LRP4: variants seen among roughly 807,000 people sequenced by gnomAD.
LRP4 encodes LDL receptor related protein 4.
In LRP4, 95 loss-of-function variants were observed where a neutral mutation model predicts 220.3. The ratio of observed to expected loss-of-function variants is 0.43; its 90% CI spans 0.37 to 0.51. The LOEUF (loss-of-function observed/expected upper bound fraction) is 0.51, where lower values mean the gene tolerates loss of function less well. Among genes scored for constraint, LRP4 ranks in the 20% least tolerant of loss-of-function variants. LRP4 has a pLI of 0.00. For missense variants in LRP4, 1,925 were observed against 2,567.0 expected, an observed-to-expected ratio of 0.75 and a Z score of 5.40; for synonymous variants, 903 against 954.6, an observed-to-expected ratio of 0.95 and a Z score of 1.00.
chr11:46,900,132 G>C (rs2134865107), intron 3 of LRP4, 130 bp downstream of exon 3: 1 of 953,510 alleles, frequency 1.0e-6, no homozygotes, highest in South Asian at 1.3e-5. Flanking sequence ...GACTTCGAGA[G>C]GAAGTGAAAG....
chr11:46,883,821 A>G (rs1301415936), intron 19 of LRP4, 50 bp downstream of exon 19: 3 of 1,378,002 alleles, frequency 2.2e-6, no homozygotes, highest in Admixed American at 1.7e-5. Context: ...TCTGGAGCTC[A>G]GATCTTGGGA....
chr11:46,911,596 AAAAATAAAT>A lies in LRP4; in HGVS notation c.52+6723_52+6731del, dbSNP rs968915049. Reference sequence around the variant, plus strand: ...AGAGTGAGAACCTGTCTCAAAAAAAAAAAATAAATAAATAAATAAAAATAAAGTCTCTCT... The same window carrying A: ...AGAGTGAGAACCTGTCTCAAAAAAAAAAATAAATAAAAATAAAGTCTCTCT... On this transcript the variant is annotated intron_variant, in intron 1 of 37. Transcript: ENST00000378623. 8.4e-4 allele frequency among the ~76,000 whole-genome samples: 79 copies of A among 93,862 alleles called. 2 individuals carry two copies. The highest frequency in any genetic ancestry group is 2.8e-3 in the African/African-American group (76 of 26,976). The allele number at this position is 93,862 out of a possible 152,430, so 61.6% of individuals were successfully genotyped here.
Position 46,890,123 on chromosome 11 carries a change from G to T in LRP4, c.1916-3C>A. 6.2e-7 allele frequency: 1 copy of T among 1,613,972 alleles called. No homozygotes were observed. On this transcript the variant is annotated splice_polypyrimidine_tract_variant and splice_region_variant and intron_variant, in intron 14 of 37. Transcript: ENST00000378623. The surrounding 1 kb of genome is among the most constrained non-coding windows in gnomAD (Gnocchi z 5.3). ...GATGGCGAAGGGATGCGGGAGGCCT[G>T]GGGAAAGTCCAGGAAGACCTCAGTC...
intron 22 of LRP4, among the ~76,000 whole-genome samples, chr11:46,877,876 A>G (rs898661790): frequency 6.6e-6 from 1 of 152,216 alleles, no homozygotes; most frequent in African/African-American, 2.4e-5. Flanking sequence ...GGTCTCACAC[A>G]TATTCATAAA....
At chr11:46,906,337 T>C (rs1202342482) in intron 1 of LRP4, among the ~76,000 whole-genome samples, 3 of 151,904 alleles carry the variant, frequency 2.0e-5, no homozygotes, top group Non-Finnish European at 4.4e-5. Flanking sequence ...ACGCCTGTAG[T>C]CCCAGCTACT....
rs527549075 is a variant in LRP4 at position 46,876,976 on chromosome 11, T to C, written c.3278-146A>G. 1.3e-3 allele frequency: 1,079 copies of C among 853,230 alleles called. 14 individuals carry two copies. The highest frequency in any genetic ancestry group is 9.7e-4 in the Non-Finnish European group (495 of 512,778). The allele number at this position is 853,230 out of a possible 1,614,324, so 52.9% of individuals were successfully genotyped here. On this transcript the variant is annotated intron_variant, in intron 23 of 37. Transcript: ENST00000378623. ...AATCAAGGAAAACGCAGAAATATCA[T>C]AGCAGGATAGCTCTTGGCAGAGACG...
chr11:46,873,475 T>C lies in LRP4; in HGVS notation c.4348A>G (p.Asn1450Asp), dbSNP rs1331039955. ...TCCAGCCTGGACGCCTCAATGGTAT[T>C]TCGACCTGTGTCTGTCCAGTACAGG... ...RNLYWTDTGR[N>D]TIEASRLDGS... is the part of the protein sequence containing the mutation. The change falls in exon 29 of 38, where the codon AAT becomes GAT. Residue 1450 changes from asparagine (N) to aspartate (D), a missense_variant. Asn to Asp is a conservative substitution (Grantham distance 23). Coordinates refer to ENST00000378623, the MANE Select transcript of LRP4 (RefSeq NM_002334.4). The surrounding 1 kb of genome is among the most constrained non-coding windows in gnomAD (Gnocchi z 4.2). The C allele has an allele frequency of 3.7e-6, 6 of 1,614,104 alleles. No homozygotes were observed. In the Admixed American group the frequency reaches 8.3e-5, roughly 22 times the overall value.
At chr11:46,888,621 A>G (rs1941353930) in intron 16 of LRP4, among the ~76,000 whole-genome samples, 2 of 146,646 alleles carry the variant, frequency 1.4e-5, no homozygotes, top group South Asian at 4.5e-4. Flanking sequence ...CTTAGTTAAT[A>G]TGTGTATGAA....
intron 36 of LRP4, among the ~76,000 whole-genome samples, chr11:46,863,978 A>G (rs1034490359): frequency 2.6e-5 from 4 of 152,220 alleles, no homozygotes; most frequent in Non-Finnish European, 4.4e-5. Flanking sequence ...AGGGACATAA[A>G]AAGATTATAA....
At chr11:46,878,813 C>T in intron 22 of LRP4, 94 bp downstream of exon 22, 1 of 1,573,100 alleles carries the variant, frequency 6.4e-7, no homozygotes, top group Non-Finnish European at 8.7e-7. Context: ...CTCATGGTTT[C>T]TCAGACCACA....
chr11:46,893,198 G>A, intron 12 of LRP4, 69 bp from the exon 13 acceptor site: 1 of 1,582,066 alleles, frequency 6.3e-7, no homozygotes. Context: ...AGTAATAGGA[G>A]CAAACTCTTA....
intron 13 of LRP4, among the ~76,000 whole-genome samples, chr11:46,892,409 T>A (rs1485828870): frequency 1.3e-5 from 2 of 152,118 alleles, no homozygotes; most frequent in South Asian, 4.1e-4. Context: ...TTAATCTTCA[T>A]ACAACTATGA....
chr11:46,874,311 C>T (rs1258840302), intron 28 of LRP4: 3 of 165,146 alleles, frequency 1.8e-5, no homozygotes, highest in Non-Finnish European at 4.0e-5. Context: ...GTAAACCACT[C>T]TTACTGGTGG....
In LRP4 at chr11:46,896,862, A is replaced by C. The variant is rs775976878; in HGVS notation, c.922+7T>G. ...TAAGGGTTCTGGGGCACCCCGGGAG[A>C]CACCACCTGTATTCTCACAGTTCTC... On this transcript the variant is annotated splice_region_variant and intron_variant, in intron 8 of 37. Transcript: ENST00000378623. 5 of 1,614,056 alleles carry C rather than the reference A, an allele frequency of 3.1e-6. No individual in the cohort carries two copies. The highest frequency in any genetic ancestry group is 4.2e-6 in the Non-Finnish European group (5 of 1,179,954).
At position 46,882,256 on chromosome 11, in the gene LRP4, A is replaced by C. The variant is rs909433472; in HGVS notation, c.2613-353T>G. Among the ~76,000 whole-genome samples the C allele has an allele frequency of 5.3e-5, 8 of 151,902 alleles. 1 individual carries two copies. Among genetic ancestry groups the C allele is most frequent in the Admixed American group, 2.6e-4 (4 of 15,264 alleles). On this transcript the variant is annotated intron_variant, in intron 19 of 37. Coordinates refer to ENST00000378623, the MANE Select transcript of LRP4 (RefSeq NM_002334.4). The stretch of plus-strand genomic sequence containing the variant: ...AATCTCAGCACTTTGGGAGGCTGAG[A>C]GTATCACTTGAGCCCAGAAGTTTGA...
intron 15 of LRP4, 118 bp from the exon 16 acceptor site, chr11:46,889,651 A>AT: frequency 7.2e-7 from 1 of 1,384,998 alleles, no homozygotes; most frequent in South Asian, 1.2e-5. Flanking sequence ...TATGTCTTAT[A>AT]TTTTTGACAT....
chr11:46,902,360 A>C (rs1459103813), intron 2 of LRP4, among the ~76,000 whole-genome samples: 1 of 546 alleles, frequency 1.8e-3, no homozygotes, highest in East Asian at 0.5. Context: ...CTCTGTATCA[A>C]AAAAAAAAAA....
In LRP4 at chr11:46,875,738, G is replaced by C; in HGVS notation, c.3700-57C>G. 1.9e-6 allele frequency: 3 copies of C among 1,612,718 alleles called. No homozygotes were observed. The highest frequency in any genetic ancestry group is 8.5e-7 in the Non-Finnish European group (1 of 1,178,872). On this transcript the variant is annotated intron_variant, in intron 26 of 37. Coordinates refer to ENST00000378623, the MANE Select transcript of LRP4 (RefSeq NM_002334.4). This position sits in a 1 kb window ranked among gnomAD's most constrained non-coding sequence, Gnocchi z 4.5. ...ATCAGCAGATTGGGAACTCTCCATG[G>C]AGATCCTAGGCAGGCCTTTCCCATC...
intron 1 of LRP4, among the ~76,000 whole-genome samples, chr11:46,903,647 G>A (rs986908156): frequency 2.0e-5 from 3 of 152,226 alleles, no homozygotes; most frequent in African/African-American, 7.2e-5. Context: ...TGGACGCTCT[G>A]CCTCTGTCTT....
Sources: allele counts gnomAD v4.1 joint callset (sites outside exome capture counted in the v4.1 genomes callset), GRCh38; gene constraint gnomAD v4.1.1; non-coding constraint Gnocchi (gnomAD v3.1); transcripts MANE v1.5; gene names NCBI Gene and HGNC (gene_info 2026-07-23, HGNC 2026-07-21).